Variants in CPNE4 observed in about 807,000 individuals in gnomAD.
CPNE4 encodes the protein copine-4.
A neutral mutation model predicts 67.9 loss-of-function variants in CPNE4; 25 were observed. The observed-to-expected ratio is 0.37, with a 90% confidence interval of 0.27 to 0.51. The LOEUF is 0.51. CPNE4 is among the 20% of genes least tolerant of loss of function. CPNE4 has a pLI of 0.93. For missense variants in CPNE4, 464 were observed against 690.8 expected (o/e 0.67, Z 3.68); for synonymous variants, 242 against 244.9 (o/e 0.99, Z 0.11).
chr3:131,716,660 T>A (rs1030309827), intron 3 of CPNE4, among the ~76,000 whole-genome samples: 5 of 152,228 alleles, frequency 3.3e-5, no homozygotes, highest in African/African-American at 9.6e-5. Context: ...GCCACAGTAA[T>A]AACAGCTTCC....
At chr3:131,661,809 C>A (rs1429317850) in intron 7 of CPNE4, among the ~76,000 whole-genome samples, 2 of 152,066 alleles carry the variant, frequency 1.3e-5, no homozygotes. Context: ...GGTGAAATTG[C>A]TTTCAGTTGC....
At chr3:131,683,819 G>A (rs2080817955) in intron 6 of CPNE4, among the ~76,000 whole-genome samples, 1 of 152,158 alleles carries the variant, frequency 6.6e-6, no homozygotes, top group African/African-American at 2.4e-5. Flanking sequence ...AAGATTGCCA[G>A]AACTCAGGTT....
In CPNE4 at chr3:131,769,790, TG is replaced by T. The variant is rs1337115069; in HGVS notation, c.181-46166del. On this transcript the variant is annotated intron_variant, in intron 2 of 15. Transcript: ENST00000429747. ...CCCTCCTTTATTTTGGGTTGAACTA[TG>T]AGTGATTTTTTGTCTATCCCACCTT... 2.6e-5 allele frequency among the ~76,000 whole-genome samples: 4 copies of T among 152,158 alleles called. No homozygotes were observed. In the East Asian group the frequency reaches 7.7e-4, roughly 29 times the overall value.
chr3:131,817,578 A>G (rs1367233708), intron 2 of CPNE4, among the ~76,000 whole-genome samples: 6 of 152,132 alleles, frequency 3.9e-5, no homozygotes, highest in Non-Finnish European at 8.8e-5. Flanking sequence ...GGATGAAGGA[A>G]AGCCTGAGGG....
At chr3:131,747,386 T>C (rs575954189) in intron 2 of CPNE4, among the ~76,000 whole-genome samples, 1 of 152,286 alleles carries the variant, frequency 6.6e-6, no homozygotes, top group Non-Finnish European at 1.5e-5. Context: ...CTTGATTTCC[T>C]CTAGTAGCTT....
intron 11 of CPNE4, among the ~76,000 whole-genome samples, chr3:131,558,788 T>C (rs1474335627): frequency 6.6e-6 from 1 of 151,860 alleles, no homozygotes; most frequent in Non-Finnish European, 1.5e-5. Flanking sequence ...AACTGTTCTC[T>C]GAAGCAGAGG....
intron 9 of CPNE4, among the ~76,000 whole-genome samples, chr3:131,578,591 C>T (rs1014232052): frequency 6.6e-6 from 1 of 152,132 alleles, no homozygotes; most frequent in East Asian, 1.9e-4. Flanking sequence ...AAAGTTAGGC[C>T]TCTTGCACCA....
At chr3:131,723,151 G>C (rs929437353) in intron 3 of CPNE4, among the ~76,000 whole-genome samples, 5 of 152,160 alleles carry the variant, frequency 3.3e-5, no homozygotes, top group Admixed American at 2.6e-4. Context: ...AAAGAGCATA[G>C]TGCCAGACAC....
At chr3:131,875,009 T>C (rs536830700) in intron 2 of CPNE4, among the ~76,000 whole-genome samples, 17 of 152,318 alleles carry the variant, frequency 1.1e-4, no homozygotes, top group African/African-American at 4.1e-4. Flanking sequence ...TACCCTTTAA[T>C]TGTCACAATA....
chr3:131,897,939 T>G (rs2088400136), intron 2 of CPNE4, among the ~76,000 whole-genome samples: 1 of 151,856 alleles, frequency 6.6e-6, no homozygotes, highest in African/African-American at 2.4e-5. Context: ...AAAATATAGA[T>G]GAGCCCAATT....
intron 1 of CPNE4, among the ~76,000 whole-genome samples, chr3:131,984,378 G>T (rs900414908): frequency 2.0e-5 from 3 of 152,174 alleles, no homozygotes; most frequent in Non-Finnish European, 4.4e-5. Context: ...TCACCAAAAA[G>T]AGCAGTGCTT....
intron 2 of CPNE4, among the ~76,000 whole-genome samples, chr3:131,886,006 A>G (rs2087871013): frequency 6.6e-6 from 1 of 152,230 alleles, no homozygotes; most frequent in South Asian, 2.1e-4. Flanking sequence ...AGAAATTTGC[A>G]TAAGTAACAA....
At chr3:131,850,224 T>C (rs1035415721) in intron 2 of CPNE4, among the ~76,000 whole-genome samples, 12 of 152,150 alleles carry the variant, frequency 7.9e-5, no homozygotes, top group African/African-American at 2.9e-4. Flanking sequence ...CTTCTCTTTC[T>C]AAAAAATGCT....
intron 1 of CPNE4, among the ~76,000 whole-genome samples, chr3:131,969,660 A>G (rs2072451621): frequency 1.3e-5 from 2 of 152,202 alleles, no homozygotes; most frequent in African/African-American, 4.8e-5. Context: ...ACTTCAGAGC[A>G]CAGGTCTAAG....
intron 2 of CPNE4, among the ~76,000 whole-genome samples, chr3:131,829,603 A>G (rs1273789187): frequency 6.6e-6 from 1 of 152,214 alleles, no homozygotes; most frequent in Non-Finnish European, 1.5e-5. Flanking sequence ...ACTATCTTTT[A>G]TCTGCAACCC....
intron 6 of CPNE4, among the ~76,000 whole-genome samples, chr3:131,676,924 G>A (rs1182164974): frequency 3.3e-5 from 5 of 152,030 alleles, no homozygotes; most frequent in African/African-American, 1.2e-4. Context: ...TTGAATGATA[G>A]TTCTGTCTCG....
chr3:131,920,695 C>T (rs2070718332), intron 1 of CPNE4, among the ~76,000 whole-genome samples: 1 of 151,802 alleles, frequency 6.6e-6, no homozygotes, highest in South Asian at 2.1e-4. Context: ...GGAACTAGGC[C>T]CTTAAAATGT....
At chr3:131,891,085 A>T (rs1055862579) in intron 2 of CPNE4, among the ~76,000 whole-genome samples, 5 of 152,110 alleles carry the variant, frequency 3.3e-5, no homozygotes, top group Non-Finnish European at 7.4e-5. Flanking sequence ...TCTCATGTTA[A>T]GGGTTCTTAG....
chr3:131,992,922 T>C lies in CPNE4; in HGVS notation c.-2+41645A>G, dbSNP rs1186924153. ...TGTGAAGGACACATTTGCTTCCCCT[T>C]CTGCCATGATTGTAAGTTTCCTGAG... is the stretch of plus-strand genomic sequence containing the variant. On this transcript the variant is annotated intron_variant, in intron 1 of 15. Coordinates refer to ENST00000429747, the MANE Select transcript of CPNE4 (RefSeq NM_130808.3). Among the ~76,000 whole-genome samples, 4 of 136,290 alleles carry C rather than the reference T, an allele frequency of 2.9e-5. 2 individuals carry two copies. The highest frequency in any genetic ancestry group is 6.7e-5 in the Non-Finnish European group (4 of 60,092). 89.4% of individuals were successfully genotyped at this position (136,290 alleles called of 152,430 possible).
Sources: gnomAD v4.1 joint callset for allele counts (sites outside exome capture counted in the v4.1 genomes callset) on GRCh38, gnomAD v4.1.1 for gene constraint, MANE v1.5 for transcripts, NCBI Gene and HGNC (gene_info 2026-07-23, HGNC 2026-07-21) for gene names.